The following ABL1 variants were observed in gnomAD, a reference collection of about 807,000 sequenced individuals.
The protein encoded by ABL1 is tyrosine-protein kinase ABL1.
A neutral mutation model predicts 94.7 loss-of-function variants in ABL1; 11 were observed. The observed-to-expected ratio is 0.12, with a 90% confidence interval of 0.07 to 0.19. The LOEUF (loss-of-function observed/expected upper bound fraction) is 0.19. Ranked by LOEUF, ABL1 falls within the 10% of genes least tolerant of loss-of-function variation. The probability of loss-of-function intolerance (pLI) is 1.00; values close to 1 mark genes in which losing one functional copy is unlikely to be tolerated. For missense variants in ABL1, 1,082 were observed against 1,489.4 expected (o/e 0.73, Z 4.50); for synonymous variants, 656 against 622.4 (o/e 1.05, Z -0.80).
intron 10 of ABL1, among the ~76,000 whole-genome samples, chr9:130,881,877 TA>T (rs142934106): frequency 0.015 from 2,127 of 138,556 alleles, 43 homozygotes; most frequent in African/African-American, 0.055. Flanking sequence ...CTCTCATTAG[TA>T]AAAAAAAAAC....
chr9:130,731,418 C>T (rs777798498), intron 1 of ABL1, among the ~76,000 whole-genome samples: 12 of 152,066 alleles, frequency 7.9e-5, no homozygotes, highest in Non-Finnish European at 2.9e-5. Flanking sequence ...ATCTTTGTGT[C>T]TACCCTAAGG....
At chr9:130,864,055 G>A (rs1831117364) in intron 4 of ABL1, among the ~76,000 whole-genome samples, 1 of 152,152 alleles carries the variant, frequency 6.6e-6, no homozygotes, top group Non-Finnish European at 1.5e-5. Flanking sequence ...TAGTGAAATG[G>A]GAAGTATGAT....
chr9:130,873,286 G>T lies in ABL1; in HGVS notation c.1085+249G>T, dbSNP rs7865403. ...TGGAGCAGCTAATCCCCGGAGTAAG[G>T]AATATTTCATTTTTGAACCATTTTG... On this transcript the variant is annotated intron_variant, in intron 6 of 10. Coordinates refer to ENST00000318560, the MANE Select transcript of ABL1 (RefSeq NM_005157.6). Among the ~76,000 whole-genome samples the T allele has an allele frequency of 0.018, 2,769 of 152,294 alleles. 89 individuals carry two copies. The highest frequency in any genetic ancestry group is 0.063 in the African/African-American group (2,622 of 41,538).
In ABL1 at chr9:130,797,229, C is replaced by A. The variant is rs544161861; in HGVS notation, c.137-56835C>A. ...CGAGCCTGGGCGACAGAGTGAGACT[C>A]CATCTCGAAAAAAAAAAAAAAAAAA... On this transcript the variant is annotated intron_variant, in intron 1 of 10. Coordinates refer to the ABL1 transcript ENST00000372348. Among the ~76,000 whole-genome samples the A allele has an allele frequency of 3.0e-5, 3 of 99,750 alleles. No individual in the cohort carries two copies. The East Asian group carries it at 9.7e-4, about 32-fold the overall frequency. The allele number at this position is 99,750 out of a possible 152,430, so 65.4% of individuals were successfully genotyped here. A position where few individuals can be genotyped will look rare whatever the true frequency, so the allele number is the denominator to read the frequency against.
intron 1 of ABL1, among the ~76,000 whole-genome samples, chr9:130,730,635 A>G (rs11244114): frequency 0.19 from 29,428 of 151,630 alleles, 3,525 homozygotes; most frequent in Middle Eastern, 0.38. Context: ...CCAGTGGCAC[A>G]GTCTCGGCTC....
chr9:130,885,841 T>C lies in ABL1; in HGVS notation c.*158T>C, dbSNP rs1015508419. On this transcript the variant is annotated 3_prime_UTR_variant, in exon 11 of 11. Coordinates refer to ENST00000318560, the MANE Select transcript of ABL1 (RefSeq NM_005157.6). ...AGCTGAGGGCCCTGTGGAGTCCAGC[T>C]CTACTACCTACGTTTGCACCGCCTG... 1 of 977,160 alleles carries C rather than the reference T, an allele frequency of 1.0e-6. No homozygotes were observed. The highest frequency in any genetic ancestry group is 1.5e-6 in the Non-Finnish European group (1 of 681,446). 60.5% of individuals were successfully genotyped at this position (977,160 alleles called of 1,614,324 possible). A position where few individuals can be genotyped will look rare whatever the true frequency, so the allele number is the denominator to read the frequency against.
intron 1 of ABL1, among the ~76,000 whole-genome samples, chr9:130,718,066 C>G (rs1385617219): frequency 6.6e-6 from 1 of 151,186 alleles, no homozygotes; most frequent in African/African-American, 2.4e-5. Flanking sequence ...GCCTGTAATC[C>G]GAGCACTTTG....
chr9:130,838,304 A>G (rs182147771), intron 1 of ABL1, among the ~76,000 whole-genome samples: 3 of 152,264 alleles, frequency 2.0e-5, no homozygotes, highest in Admixed American at 2.0e-4. Flanking sequence ...GTGATTTTCA[A>G]AATGGTATCT....
intron 1 of ABL1, among the ~76,000 whole-genome samples, chr9:130,783,645 T>C (rs577063319): frequency 1.3e-5 from 2 of 151,062 alleles, no homozygotes; most frequent in East Asian, 3.9e-4. Flanking sequence ...GTTTTTTGTT[T>C]GTTTGTTTGT....
chr9:130,818,101 G>A (rs1043744632), intron 1 of ABL1, among the ~76,000 whole-genome samples: 12 of 152,132 alleles, frequency 7.9e-5, no homozygotes, highest in Admixed American at 3.9e-4. Flanking sequence ...GCTCCATTTG[G>A]TCTTCGTTCT....
chr9:130,849,193 A>G (rs1324650536), intron 1 of ABL1, among the ~76,000 whole-genome samples: 1 of 152,220 alleles, frequency 6.6e-6, no homozygotes, highest in African/African-American at 2.4e-5. Flanking sequence ...AGCATAAACT[A>G]ACTTATCCTG....
At chr9:130,753,340 G>A (rs1831992351) in intron 1 of ABL1, among the ~76,000 whole-genome samples, 1 of 151,556 alleles carries the variant, frequency 6.6e-6, no homozygotes, top group Non-Finnish European at 1.5e-5. Context: ...ACTGCATGCT[G>A]TGCTATTGCT....
chr9:130,862,229 A>G lies in ABL1; in HGVS notation c.550-534A>G, dbSNP rs1040426444. ...CAGTTATTTATTGAGTACTTATTAC[A>G]TGTTGATTTCCTGTTCTCAACATTG... On this transcript the variant is annotated intron_variant, in intron 3 of 10. Coordinates refer to ENST00000318560, the MANE Select transcript of ABL1 (RefSeq NM_005157.6). The surrounding 1 kb of genome is among the most constrained non-coding windows in gnomAD (Gnocchi z 5.5). Among the ~76,000 whole-genome samples, 4 of 152,200 alleles carry G rather than the reference A, an allele frequency of 2.6e-5. No homozygotes were observed. The highest frequency in any genetic ancestry group is 9.7e-5 in the African/African-American group (4 of 41,442).
At chr9:130,845,507 A>G (rs79107833) in intron 1 of ABL1, among the ~76,000 whole-genome samples, 24 of 151,894 alleles carry the variant, frequency 1.6e-4, no homozygotes, top group African/African-American at 5.8e-4. Flanking sequence ...ACGCCCAGCT[A>G]ATTGTTGTAT....
intron 1 of ABL1, among the ~76,000 whole-genome samples, chr9:130,783,078 A>G (rs1829778996): frequency 6.6e-6 from 1 of 152,226 alleles, no homozygotes; most frequent in African/African-American, 2.4e-5. Context: ...TGATCCAGGA[A>G]CATTATTTGA....
rs3085157 is a variant in ABL1, at chr9:130,802,095, C to CTTTTTTTTTT, written c.137-51963_137-51954dup. Among the ~76,000 whole-genome samples the CTTTTTTTTTT allele has an allele frequency of 3.0e-3, 401 of 132,004 alleles. 13 individuals carry two copies. Among genetic ancestry groups the CTTTTTTTTTT allele is most frequent in the African/African-American group, 8.9e-3 (301 of 33,766 alleles). The allele number at this position is 132,004 out of a possible 152,430, so 86.6% of individuals were successfully genotyped here. On this transcript the variant is annotated intron_variant, in intron 1 of 10. Transcript: ENST00000372348. ...AGTCTGTTCATTTTTTTCCTTCAGT[C>CTTTTTTTTTT]TTTTTTTTTTTTTTTGAAATGGTCT...
Position 130,884,602 on chromosome 9 carries a change from G to T in ABL1, c.2312G>T (p.Arg771Met). Residue 771 changes from arginine (R) to methionine (M), a missense_variant, in exon 11 of 11, where the codon AGG becomes ATG. Around this residue, in one of 7 missense-constraint regions of ABL1, gnomAD observed 780 missense variants for 835.8 expected, o/e 0.93. Coordinates refer to ENST00000318560, the MANE Select transcript of ABL1 (RefSeq NM_005157.6). This position sits in a 1 kb window ranked among gnomAD's most constrained non-coding sequence, Gnocchi z 5.6. ...CCTCGGAAGAGGGCAGGGGAGAACAGGTCTGACCAGGTGACCCGAGGCACA... is the reference window on the plus strand; with the variant it reads ...CCTCGGAAGAGGGCAGGGGAGAACATGTCTGACCAGGTGACCCGAGGCACA... ...ALPRKRAGEN[R>M]SDQVTRGTVT... 1.9e-6 allele frequency: 3 copies of T among 1,613,372 alleles called. No individual in the cohort carries two copies. The highest frequency in any genetic ancestry group is 2.5e-6 in the Non-Finnish European group (3 of 1,180,026).
At chr9:130,720,628 A>G (rs1831502654) in intron 1 of ABL1, among the ~76,000 whole-genome samples, 1 of 152,204 alleles carries the variant, frequency 6.6e-6, no homozygotes, top group African/African-American at 2.4e-5. Flanking sequence ...AAGGCCTTGG[A>G]GAATTTTCCG....
At chr9:130,881,218 C>T (rs138149955) in intron 10 of ABL1, among the ~76,000 whole-genome samples, 1 of 152,274 alleles carries the variant, frequency 6.6e-6, no homozygotes, top group East Asian at 1.9e-4. Flanking sequence ...TAATGGCCAA[C>T]ATTTATGTAG....
Sources: gnomAD v4.1 joint callset for allele counts (sites outside exome capture counted in the v4.1 genomes callset) on GRCh38, gnomAD v4.1.1 for gene constraint, gnomAD v4.1.1 regional missense constraint, Gnocchi (gnomAD v3.1) non-coding constraint, MANE v1.5 for transcripts, NCBI Gene and HGNC (gene_info 2026-07-23, HGNC 2026-07-21) for gene names.